DUSP13B: variants seen among roughly 807,000 people sequenced by gnomAD.
DUSP13B encodes dual specificity protein phosphatase 13B.
the DUSP13B span, among the ~76,000 whole-genome samples, chr10:75,104,250 T>A: frequency 6.6e-6 from 1 of 152,036 alleles, no homozygotes; most frequent in Non-Finnish European, 1.5e-5. Flanking sequence ...CTGGGAGAGA[T>A]GAGGAGGTAG....
At chr10:75,097,658 G>A in the DUSP13B span, 113 of 1,461,696 alleles carry the variant, frequency 7.7e-5, no homozygotes, top group East Asian at 8.0e-4. Context: ...CCCCATTCCC[G>A]TGTGAACCTC....
the DUSP13B span, among the ~76,000 whole-genome samples, chr10:75,102,327 C>G: frequency 2.9e-4 from 44 of 152,146 alleles, no homozygotes; most frequent in Non-Finnish European, 5.9e-4. Context: ...CCTGTAGTCC[C>G]AGCTACTCAG....
chr10:75,097,636 A>G, the DUSP13B span: 1 of 1,398,770 alleles, frequency 7.1e-7, no homozygotes, highest in South Asian at 1.6e-5. Context: ...GGGCTCTGAG[A>G]GAGGCTCATG....
the DUSP13B span, among the ~76,000 whole-genome samples, chr10:75,100,491 G>A: frequency 6.6e-6 from 1 of 152,050 alleles, no homozygotes; most frequent in Non-Finnish European, 1.5e-5. Flanking sequence ...TGGCAGCTCC[G>A]CCGGTTTCTG....
the DUSP13B span, among the ~76,000 whole-genome samples, chr10:75,107,811 A>G: frequency 6.6e-6 from 1 of 152,146 alleles, no homozygotes; most frequent in Non-Finnish European, 1.5e-5. Flanking sequence ...TCCTGACCTC[A>G]GGCGATCCAC....
At chr10:75,099,364 GA>G in the DUSP13B span, 1 of 1,232,268 alleles carries the variant, frequency 8.1e-7, no homozygotes, top group African/African-American at 1.5e-5. Context: ...CGGAAGTGAA[GA>G]CCAAGCTGTC....
chr10:75,095,215 T>C, the DUSP13B span, among the ~76,000 whole-genome samples: 1 of 152,160 alleles, frequency 6.6e-6, no homozygotes, highest in Non-Finnish European at 1.5e-5. Flanking sequence ...TCTACCTCCC[T>C]TTCCCCCGAG....
chr10:75,095,792 G>T, the DUSP13B span: 2 of 1,613,990 alleles, frequency 1.2e-6, no homozygotes, highest in Non-Finnish European at 1.7e-6. Context: ...CCCGGGCTGC[G>T]TACCTGGAGG....
At chr10:75,095,849 A>G in the DUSP13B span, 2 of 1,566,606 alleles carry the variant, frequency 1.3e-6, no homozygotes, top group South Asian at 1.1e-5. Flanking sequence ...TCACTGTGGC[A>G]GCTCTGGCTG....
the DUSP13B span, chr10:75,097,764 C>T: frequency 1.2e-6 from 2 of 1,613,700 alleles, no homozygotes; most frequent in Non-Finnish European, 1.7e-6. Flanking sequence ...TTCAGTGTGG[C>T]AGCCTGACGG....
At chr10:75,097,523 T>G in the DUSP13B span, among the ~76,000 whole-genome samples, 2 of 152,238 alleles carry the variant, frequency 1.3e-5, no homozygotes, top group Non-Finnish European at 2.9e-5. Context: ...TGCACTTTTC[T>G]TATGTGCATT....
the DUSP13B span, chr10:75,099,572 G>GA: frequency 8.3e-7 from 1 of 1,211,674 alleles, no homozygotes; most frequent in East Asian, 3.7e-5. Context: ...GGGCGCCCAT[G>GA]GGGGGTGGGG....
chr10:75,098,023 T>C, the DUSP13B span: 1 of 738,708 alleles, frequency 1.4e-6, no homozygotes, highest in Non-Finnish European at 2.1e-6. Flanking sequence ...ACATGAGGTA[T>C]TAACAAGCTC....
the DUSP13B span, chr10:75,102,031 C>A: frequency 8.4e-7 from 1 of 1,192,510 alleles, no homozygotes; most frequent in Middle Eastern, 2.3e-4. Context: ...CCCTGCCACT[C>A]CCAACTTGTC....
the DUSP13B span, among the ~76,000 whole-genome samples, chr10:75,107,191 C>T: frequency 2.0e-5 from 3 of 151,882 alleles, no homozygotes; most frequent in South Asian, 2.1e-4. Context: ...AAAAATTAGC[C>T]GGGTATGGTG....
the DUSP13B span, chr10:75,108,121 C>G: frequency 1.9e-6 from 3 of 1,613,736 alleles, no homozygotes; most frequent in Non-Finnish European, 2.5e-6. Context: ...AAGTCAGGGC[C>G]GCCCTGACAG....
the DUSP13B span, among the ~76,000 whole-genome samples, chr10:75,106,144 G>A: frequency 8.9e-6 from 1 of 112,052 alleles, no homozygotes; most frequent in Admixed American, 1.1e-4. Flanking sequence ...GTCTCACTAT[G>A]TTGCCCAGGC....
At chr10:75,107,776 C>T in the DUSP13B span, among the ~76,000 whole-genome samples, 10 of 152,250 alleles carry the variant, frequency 6.6e-5, no homozygotes, top group Admixed American at 2.0e-4. Context: ...GAGGTTTCAC[C>T]GTGTTGGCCA....
the DUSP13B span, chr10:75,098,907 C>T: frequency 8.6e-7 from 1 of 1,158,836 alleles, no homozygotes; most frequent in Non-Finnish European, 1.1e-6. Flanking sequence ...AGTCCATCCC[C>T]AAGCCTTTCA....
Sources: allele counts gnomAD v4.1 joint callset (sites outside exome capture counted in the v4.1 genomes callset), GRCh38; gene constraint gnomAD v4.1.1; transcripts MANE v1.5; gene names NCBI Gene and HGNC (gene_info 2026-07-23, HGNC 2026-07-21).